The following SULT1E1 variants were observed in gnomAD, a reference collection of about 807,000 sequenced individuals.
SULT1E1 encodes sulfotransferase 1E1.
A neutral mutation model predicts 33.6 loss-of-function variants in SULT1E1; 36 were observed. The ratio of observed to expected loss-of-function variants is 1.07; its 90% CI spans 0.82 to 1.41. The LOEUF is 1.41. Among genes scored for constraint, SULT1E1 ranks in the 40% most tolerant of loss-of-function variants. The pLI, the probability that SULT1E1 is intolerant of heterozygous loss-of-function variation, is 0.00. For missense variants in SULT1E1, 371 were observed against 345.7 expected (o/e 1.07, Z -0.58); for synonymous variants, 121 against 111.7 (o/e 1.08, Z -0.53).
At chr4:69,847,214 T>C (rs910380148) in intron 6 of SULT1E1, among the ~76,000 whole-genome samples, 1 of 151,746 alleles carries the variant, frequency 6.6e-6, no homozygotes, top group Non-Finnish European at 1.5e-5. Context: ...TGTATTTGGC[T>C]ATTTTTTTTC....
At chr4:69,825,744 G>A in the SULT1E1 span, among the ~76,000 whole-genome samples, 3 of 151,642 alleles carry the variant, frequency 2.0e-5, no homozygotes, top group South Asian at 2.1e-4. Context: ...AGCCATAAGC[G>A]AAACTCTGAA....
intron 4 of SULT1E1, 22 bp from the exon 5 acceptor site, chr4:69,849,585 T>C: frequency 1.9e-6 from 3 of 1,551,214 alleles, no homozygotes; most frequent in Non-Finnish European, 2.6e-6. Flanking sequence ...AAATTGTATA[T>C]TAAACCACTT....
chr4:69,840,505 C>T (rs1298862714), downstream of SULT1E1, among the ~76,000 whole-genome samples: 1 of 152,036 alleles, frequency 6.6e-6, no homozygotes, highest in Non-Finnish European at 1.5e-5. Context: ...AATTTTAATT[C>T]TTTTTTCTTC....
At chr4:69,823,404 A>G in the SULT1E1 span, among the ~76,000 whole-genome samples, 1 of 152,084 alleles carries the variant, frequency 6.6e-6, no homozygotes, top group African/African-American at 2.4e-5. Context: ...TTTGGAGTGT[A>G]GCTTAGGGTC....
At chr4:69,851,471 A>T (rs540136463) in intron 4 of SULT1E1, among the ~76,000 whole-genome samples, 1 of 152,282 alleles carries the variant, frequency 6.6e-6, no homozygotes, top group East Asian at 1.9e-4. Flanking sequence ...AAGTCAGGAA[A>T]CAACAGGTGC....
downstream of SULT1E1, among the ~76,000 whole-genome samples, chr4:69,839,951 G>A (rs1464479701): frequency 1.3e-5 from 2 of 152,162 alleles, no homozygotes; most frequent in South Asian, 2.1e-4. Flanking sequence ...AGAAATATAC[G>A]TAGGTTTATT....
downstream of SULT1E1, among the ~76,000 whole-genome samples, chr4:69,836,961 T>C (rs1186298935): frequency 6.6e-6 from 1 of 152,130 alleles, no homozygotes; most frequent in Non-Finnish European, 1.5e-5. Context: ...CATGTGCCTA[T>C]AGTCTCAGCT....
chr4:69,840,102 G>A (rs529179306), downstream of SULT1E1, among the ~76,000 whole-genome samples: 6 of 152,128 alleles, frequency 3.9e-5, no homozygotes, highest in East Asian at 7.7e-4. Context: ...TAAAACAATT[G>A]TTTTCAGGGA....
At chr4:69,827,359 G>A in the SULT1E1 span, among the ~76,000 whole-genome samples, 2 of 152,148 alleles carry the variant, frequency 1.3e-5, no homozygotes, top group African/African-American at 2.4e-5. Flanking sequence ...TCCCCAGTAT[G>A]GATCCCCACT....
chr4:69,857,804 A>T (rs367549754), intron 1 of SULT1E1, among the ~76,000 whole-genome samples, 151 bp from the exon 2 acceptor site: 2 of 152,214 alleles, frequency 1.3e-5, no homozygotes, highest in East Asian at 3.8e-4. Flanking sequence ...CATATCAAAT[A>T]GTTTTGGTAC....
At chr4:69,859,332 C>A (rs1249499904) in intron 1 of SULT1E1, among the ~76,000 whole-genome samples, 4 of 152,030 alleles carry the variant, frequency 2.6e-5, no homozygotes, top group Admixed American at 1.3e-4. Context: ...AATGCCTACC[C>A]TTTTCCTAGG....
chr4:69,841,183 C>A (rs1369900784), downstream of SULT1E1: 1 of 152,136 alleles, frequency 6.6e-6, no homozygotes, highest in East Asian at 1.9e-4. Context: ...ATACTAATGT[C>A]CTACTAAATG....
intron 4 of SULT1E1, among the ~76,000 whole-genome samples, chr4:69,851,178 T>A (rs2110070447): frequency 6.6e-6 from 1 of 152,002 alleles, no homozygotes; most frequent in Admixed American, 6.6e-5. Flanking sequence ...ACCATCAGAG[T>A]GAAAAGGCAA....
the SULT1E1 span, among the ~76,000 whole-genome samples, chr4:69,827,881 TA>T: frequency 1.3e-5 from 2 of 152,146 alleles, 1 homozygote; most frequent in Admixed American, 1.3e-4. Flanking sequence ...TAGGACACTT[TA>T]AAAAAGATTG....
At chr4:69,851,466 A>G (rs1184288502) in intron 4 of SULT1E1, among the ~76,000 whole-genome samples, 1 of 152,194 alleles carries the variant, frequency 6.6e-6, no homozygotes, top group Non-Finnish European at 1.5e-5. Flanking sequence ...TTAAAAAGTC[A>G]GGAAACAACA....
the SULT1E1 span, among the ~76,000 whole-genome samples, chr4:69,834,343 T>C: frequency 6.6e-6 from 1 of 152,194 alleles, no homozygotes; most frequent in Admixed American, 6.5e-5. Context: ...AAAAGACTTC[T>C]ATTTTGCTAT....
At chr4:69,828,082 A>G in the SULT1E1 span, among the ~76,000 whole-genome samples, 1 of 152,146 alleles carries the variant, frequency 6.6e-6, no homozygotes, top group Non-Finnish European at 1.5e-5. Context: ...AGCACATGTC[A>G]CCCTCACTGA....
the SULT1E1 span, among the ~76,000 whole-genome samples, chr4:69,833,187 T>TC: frequency 2.6e-5 from 4 of 152,184 alleles, no homozygotes; most frequent in African/African-American, 9.7e-5. Context: ...ATCTAAAACA[T>TC]ATTATGATGT....
At chr4:69,832,005 G>T in the SULT1E1 span, among the ~76,000 whole-genome samples, 1 of 152,138 alleles carries the variant, frequency 6.6e-6, no homozygotes, top group South Asian at 2.1e-4. Context: ...TGTCAGTTGG[G>T]GTATAAGTTT....
Sources: allele counts gnomAD v4.1 joint callset (sites outside exome capture counted in the v4.1 genomes callset), GRCh38; gene constraint gnomAD v4.1.1; transcripts MANE v1.5; gene names NCBI Gene and HGNC (gene_info 2026-07-23, HGNC 2026-07-21).